Variants in EPHB6 observed in about 807,000 individuals in gnomAD.
EPHB6 encodes the protein EPH receptor B6, also known as ephrin type-B receptor 6.
A neutral mutation model predicts 107.0 loss-of-function variants in EPHB6; 51 were observed. That is an observed-to-expected ratio of 0.48 (90% CI 0.38 to 0.60). The LOEUF is 0.60. Among genes scored for constraint, EPHB6 ranks in the 20% least tolerant of loss-of-function variants. The probability of loss-of-function intolerance (pLI) is 0.00; values close to 1 mark genes in which losing one functional copy is unlikely to be tolerated. For synonymous variants in EPHB6, 553 were observed against 549.0 expected (o/e 1.01, Z -0.10); for missense variants, 1,141 against 1,355.5 (o/e 0.84, Z 2.48).
chr7:142,856,710 T>G (rs547401793), intron 1 of EPHB6, among the ~76,000 whole-genome samples: 1 of 152,160 alleles, frequency 6.6e-6, no homozygotes, highest in East Asian at 1.9e-4. Context: ...CCAGCCCAGG[T>G]GTTTCTGCAG....
chr7:142,866,837 T>G lies in EPHB6; in HGVS notation c.1588-69T>G. On this transcript the variant is annotated intron_variant, in intron 10 of 19. Transcript: ENST00000652003. This position sits in a 1 kb window ranked among gnomAD's most constrained non-coding sequence, Gnocchi z 5.2. ...AGCCCTGTCAACCAGGGAGGGTGGC[T>G]GGGGGCCTTAGGGGCAGAAGCAGGG... The G allele has an allele frequency of 6.2e-7, 1 of 1,611,870 alleles. No individual in the cohort carries two copies. The highest frequency in any genetic ancestry group is 2.2e-5 in the East Asian group (1 of 44,822).
At position 142,864,109 on chromosome 7, in the gene EPHB6, G is replaced by A. The variant is rs370537878; in HGVS notation, c.309G>A (p.Ala103=). The change falls in exon 7 of 20, where the codon GCG becomes GCA. Residue 103 remains alanine (A), a synonymous_variant. Transcript: ENST00000652003. ...TGGAGCGGCGCGGGGCCCAGAGGGC[G>A]CACATTCGACTCCACTTCTCTGTGC... ...HFVERRGAQR[A]HIRLHFSVRA... 2.2e-5 allele frequency: 35 copies of A among 1,613,892 alleles called. No homozygotes were observed. The African/African-American group carries it at 3.6e-4, about 17-fold the overall frequency.
chr7:142,865,817 C>A, intron 8 of EPHB6, 143 bp from the exon 9 acceptor site: 1 of 1,129,834 alleles, frequency 8.9e-7, no homozygotes, highest in Non-Finnish European at 1.3e-6. Flanking sequence ...GGCCCACATC[C>A]TGCCTCTCTG....
Position 142,865,598 on chromosome 7 carries a change from C to A in EPHB6, c.1073C>A (p.Ala358Asp), listed in dbSNP as rs201879428. 3.7e-6 allele frequency: 6 copies of A among 1,613,686 alleles called. No individual in the cohort carries two copies. The East Asian group carries it at 1.1e-4, about 30-fold the overall frequency. The change falls in exon 8 of 20, where the codon GCC (alanine) becomes GAC (aspartate). Residue 358 changes from alanine to aspartate, a missense_variant. Coordinates refer to ENST00000652003, the MANE Select transcript of EPHB6 (RefSeq NM_004445.6). ...CCCTGCCTGGAGGGCTTCTACCGGG[C>A]CAGTTCCGACCCACCAGAGGCCCCC... ...VCPCLEGFYR[A>D]SSDPPEAPCT...
In EPHB6 at chr7:142,869,932, G is replaced by A; in HGVS notation, c.2576G>A (p.Gly859Glu). ...GILMWEVMSY[G>E]ERPYWDMSEQ... ...CTCATGTGGGAAGTGATGAGTTATG[G>A]AGAACGGCCTTACTGGGACATGAGT... Residue 859 changes from glycine (G) to glutamate (E), a missense_variant, in exon 17 of 20, where the codon GGA (glycine) becomes GAA (glutamate). By Grantham distance (98) the Gly-to-Glu change is moderately conservative. Coordinates refer to ENST00000652003, the MANE Select transcript of EPHB6 (RefSeq NM_004445.6). The surrounding 1 kb of genome is among the most constrained non-coding windows in gnomAD (Gnocchi z 4.5). 1 of 1,614,170 alleles carries A rather than the reference G, an allele frequency of 6.2e-7. No homozygotes were observed. The highest frequency in any genetic ancestry group is 1.1e-5 in the South Asian group (1 of 91,072).
Position 142,865,638 on chromosome 7 carries a change from C to T in EPHB6, c.1105+8C>T, listed in dbSNP as rs200834738. 18 of 1,612,638 alleles carry T rather than the reference C, an allele frequency of 1.1e-5. No individual in the cohort carries two copies. The African/African-American group carries it at 2.4e-4, about 21-fold the overall frequency. Reference sequence around the variant, plus strand: ...CAGAGGCCCCCTGCACTGGTGAGTTCCTCACCCAGCCCTGCAATGGGAAAG... The same window carrying T: ...CAGAGGCCCCCTGCACTGGTGAGTTTCTCACCCAGCCCTGCAATGGGAAAG... On this transcript the variant is annotated splice_region_variant and intron_variant, in intron 8 of 19. Transcript: ENST00000652003.
At chr7:142,863,582 G>A (rs1429968487) in intron 5 of EPHB6, 49 bp from the exon 6 acceptor site, 1 of 1,598,622 alleles carries the variant, frequency 6.3e-7, no homozygotes, top group Admixed American at 1.7e-5. Context: ...GGGGCTGGCA[G>A]TGCTGGCTGG....
In EPHB6 at chr7:142,864,501, C is replaced by A; in HGVS notation, c.701C>A (p.Pro234His). The A allele has an allele frequency of 6.2e-7, 1 of 1,613,510 alleles. No individual in the cohort carries two copies. Among genetic ancestry groups the A allele is most frequent in the Non-Finnish European group, 8.5e-7 (1 of 1,180,034 alleles). The change falls in exon 7 of 20, where the codon CCT becomes CAT. Residue 234 changes from proline (P) to histidine (H), a missense_variant. By Grantham distance (77) the Pro-to-His change is moderately conservative. This residue lies in a region of EPHB6 where 304 missense variants were observed against 295.7 expected (regional missense o/e 1.03). Coordinates refer to ENST00000652003, the MANE Select transcript of EPHB6 (RefSeq NM_004445.6). ...GTCAGGCTCTTCTCCTACACCTGCC[C>A]TGCCGTGCTCCGATCCTTTGCTTCC... ...VAVRLFSYTC[P>H]AVLRSFASFP...
rs748174214 is a variant in EPHB6, at chr7:142,866,861, G to A, written c.1588-45G>A. The A allele has an allele frequency of 3.1e-6, 5 of 1,613,734 alleles. No individual in the cohort carries two copies. The African/African-American group carries it at 5.3e-5, about 17-fold the overall frequency. On this transcript the variant is annotated intron_variant, in intron 10 of 19. Coordinates refer to ENST00000652003, the MANE Select transcript of EPHB6 (RefSeq NM_004445.6). This position sits in a 1 kb window ranked among gnomAD's most constrained non-coding sequence, Gnocchi z 5.2. ...CTGGGGGCCTTAGGGGCAGAAGCAG[G>A]GGCAAGAGGGGGCCAGGCAGGGAGT...
rs2116464273 is a variant in EPHB6, at chr7:142,868,084, G to A, written c.1918+35G>A. On this transcript the variant is annotated intron_variant, in intron 13 of 19. Transcript: ENST00000652003. This position sits in a 1 kb window ranked among gnomAD's most constrained non-coding sequence, Gnocchi z 4.2. ...AGGAGAGGAAATGGGTGGGGCTGGG[G>A]AACACATGGGTGGGGCACATGGCAG... 2.5e-6 allele frequency: 4 copies of A among 1,612,598 alleles called. No homozygotes were observed. Among genetic ancestry groups the A allele is most frequent in the South Asian group, 1.1e-5 (1 of 90,820 alleles).
rs763569121 is a variant in EPHB6, at chr7:142,869,072, C to T, written c.2385C>T (p.Arg795=). The T allele has an allele frequency of 1.2e-6, 2 of 1,613,768 alleles. No individual in the cohort carries two copies. Among genetic ancestry groups the T allele is most frequent in the Non-Finnish European group, 1.7e-6 (2 of 1,180,022 alleles). ...TGTCCAGCTTTGCCTTCGTCCATCG[C>T]TCGCTGTCTGCCCACAGCGTGCTGG... is the stretch of plus-strand genomic sequence containing the variant. ...QYLSSFAFVH[R]SLSAHSVLVN... Residue 795 remains arginine, a synonymous_variant, in exon 16 of 20, where the codon CGC becomes CGT. Coordinates refer to ENST00000652003, the MANE Select transcript of EPHB6 (RefSeq NM_004445.6). This position sits in a 1 kb window ranked among gnomAD's most constrained non-coding sequence, Gnocchi z 4.5.
In EPHB6 at chr7:142,869,233, G is replaced by A. The variant is rs1794778035; in HGVS notation, c.2460+86G>A. On this transcript the variant is annotated intron_variant, in intron 16 of 19. Coordinates refer to ENST00000652003, the MANE Select transcript of EPHB6 (RefSeq NM_004445.6). The surrounding 1 kb of genome is among the most constrained non-coding windows in gnomAD (Gnocchi z 4.5). The stretch of plus-strand genomic sequence containing the variant: ...GGGTCGGGGGTGAGCTGGAATCTGG[G>A]GTAGGTACCTCAGCCGGGGTGTCAT... 6.7e-7 allele frequency: 1 copy of A among 1,484,588 alleles called. No homozygotes were observed. Among genetic ancestry groups the A allele is most frequent in the East Asian group, 2.3e-5 (1 of 43,832 alleles). The allele number at this position is 1,484,588 out of a possible 1,614,324, so 92.0% of individuals were successfully genotyped here.
In EPHB6 at chr7:142,867,707, C is replaced by T. The variant is rs368197867; in HGVS notation, c.1850C>T (p.Ala617Val). 1.8e-5 allele frequency: 29 copies of T among 1,611,734 alleles called. No individual in the cohort carries two copies. Among genetic ancestry groups the T allele is most frequent in the Non-Finnish European group, 2.3e-5 (27 of 1,179,562 alleles). ...FLLLAAITVL[A>V]VVFQRKRRGT... ...CTGCTGGCAGCCATCACCGTGCTGG[C>T]GGTCGTCTTCCAGCGGTGAGTCCCC... The change falls in exon 12 of 20, where the codon GCG (alanine) becomes GTG (valine). Residue 617 changes from alanine to valine, a missense_variant. Ala to Val is a moderately conservative substitution (Grantham distance 64). Around this residue, in one of 3 missense-constraint regions of EPHB6, gnomAD observed 616 missense variants for 759.3 expected, o/e 0.81. Coordinates refer to ENST00000652003, the MANE Select transcript of EPHB6 (RefSeq NM_004445.6). This position sits in a 1 kb window ranked among gnomAD's most constrained non-coding sequence, Gnocchi z 5.3.
chr7:142,865,906 A>C (rs1586164069), intron 8 of EPHB6, 54 bp from the exon 9 acceptor site: 11 of 1,554,858 alleles, frequency 7.1e-6, no homozygotes, highest in African/African-American at 4.3e-5. Context: ...TTCCTCAATC[A>C]CCCCCACTGC....
In EPHB6 at chr7:142,863,990, G is replaced by C; in HGVS notation, c.190G>C (p.Asp64His). The part of the protein sequence containing the change: ...GGWDEVSVLD[D>H]QRRLTRTFEA... The stretch of plus-strand genomic sequence containing the variant: ...GTGGGACGAGGTGAGTGTTCTGGAC[G>C]ACCAGCGACGCCTGACTCGGACCTT... Residue 64 changes from aspartate (D) to histidine (H), a missense_variant, in exon 7 of 20, where the codon GAC becomes CAC. By Grantham distance (81) the Asp-to-His change is moderately conservative. Coordinates refer to ENST00000652003, the MANE Select transcript of EPHB6 (RefSeq NM_004445.6). 6.2e-7 allele frequency: 1 copy of C among 1,614,194 alleles called. No individual in the cohort carries two copies. Among genetic ancestry groups the C allele is most frequent in the South Asian group, 1.1e-5 (1 of 91,074 alleles).
At position 142,864,620 on chromosome 7, in the gene EPHB6, G is replaced by A. The variant is rs1263681604; in HGVS notation, c.820G>A (p.Val274Ile). The A allele has an allele frequency of 1.2e-6, 2 of 1,612,458 alleles. No individual in the cohort carries two copies. Among genetic ancestry groups the A allele is most frequent in the African/African-American group, 1.3e-5 (1 of 74,934 alleles). Reference protein sequence around the residue: ...VAHAEPEEDGVGGQAGGSPPR... With the variant: ...VAHAEPEEDGIGGQAGGSPPR... The stretch of plus-strand genomic sequence containing the variant: ...TCATGCAGAGCCAGAGGAGGATGGA[G>A]TAGGGGGCCAGGCAGGAGGCAGCCC... The change falls in exon 7 of 20, where the codon GTA (valine) becomes ATA (isoleucine). Residue 274 changes from valine to isoleucine, a missense_variant. Around this residue, in one of 3 missense-constraint regions of EPHB6, gnomAD observed 304 missense variants for 295.7 expected, o/e 1.03. Transcript: ENST00000652003.
At position 142,866,748 on chromosome 7, in the gene EPHB6, G is replaced by A; in HGVS notation, c.1587+143G>A. 6.3e-7 allele frequency: 1 copy of A among 1,579,646 alleles called. No individual in the cohort carries two copies. ...AGGAGCTCACAGTCCCCACAGTAGG[G>A]GCCAGAGGCTGAATGGGCAAGGAGA... On this transcript the variant is annotated intron_variant, in intron 10 of 19. Transcript: ENST00000652003. This position sits in a 1 kb window ranked among gnomAD's most constrained non-coding sequence, Gnocchi z 5.2.
chr7:142,857,640 C>T (rs1204549168), intron 1 of EPHB6, among the ~76,000 whole-genome samples: 1 of 152,232 alleles, frequency 6.6e-6, no homozygotes, highest in Non-Finnish European at 1.5e-5. Flanking sequence ...TGTTCTGTCC[C>T]TGCTGGACTC....
intron 1 of EPHB6, among the ~76,000 whole-genome samples, chr7:142,856,228 GGA>G (rs1458659743): frequency 6.6e-6 from 1 of 152,222 alleles, no homozygotes; most frequent in Admixed American, 6.5e-5. Context: ...GAGACCAGTG[GGA>G]GGGAGCTGTG....
Sources: gnomAD v4.1 joint callset for allele counts (sites outside exome capture counted in the v4.1 genomes callset) on GRCh38, gnomAD v4.1.1 for gene constraint, gnomAD v4.1.1 regional missense constraint, Gnocchi (gnomAD v3.1) non-coding constraint, MANE v1.5 for transcripts, NCBI Gene and HGNC (gene_info 2026-07-23, HGNC 2026-07-21) for gene names.